MSI1: variants seen among roughly 807,000 people sequenced by gnomAD.
The protein encoded by MSI1 is musashi RNA binding protein 1, also known as RNA-binding protein Musashi homolog 1.
In MSI1, 15 loss-of-function variants were observed where a neutral mutation model predicts 54.4. The observed-to-expected ratio is 0.28, with a 90% CI of 0.18 to 0.42. The LOEUF is 0.42. Among genes scored for constraint, MSI1 ranks in the 20% least tolerant of loss-of-function variants. MSI1 has a pLI of 1.00. For synonymous variants in MSI1, 200 were observed against 196.5 expected, an observed-to-expected ratio of 1.02 and a Z score of -0.15; for missense variants, 304 against 506.0, an observed-to-expected ratio of 0.60 and a Z score of 3.83.
chr12:120,365,152 C>A (rs1875935839), intron 4 of MSI1, among the ~76,000 whole-genome samples: 1 of 152,102 alleles, frequency 6.6e-6, no homozygotes, highest in Non-Finnish European at 1.5e-5. Context: ...CTCAGGTGAG[C>A]CGCCCGCCTC....
chr12:120,360,431 AG>A (rs1163339731), intron 6 of MSI1, among the ~76,000 whole-genome samples: 1 of 152,200 alleles, frequency 6.6e-6, no homozygotes, highest in Non-Finnish European at 1.5e-5. Flanking sequence ...GGAGGCAACA[AG>A]GTCCCTGGAG....
In MSI1 at chr12:120,342,484, C is replaced by T. The variant is rs1873745541; in HGVS notation, c.*643G>A. 6.6e-6 allele frequency: 1 copy of T among 152,444 alleles called. No homozygotes were observed. Among genetic ancestry groups the T allele is most frequent in the African/African-American group, 2.4e-5 (1 of 41,402 alleles). 9.4% of individuals were successfully genotyped at this position (152,444 alleles called of 1,614,324 possible). A position where few individuals can be genotyped will look rare whatever the true frequency, so the allele number is the denominator to read the frequency against. ...GATGGTTCCAGGGGCTCGGCCTGGCCTCCCCGCAGCCCTGCCCTCCTCTCC... is the reference window on the plus strand; with the variant it reads ...GATGGTTCCAGGGGCTCGGCCTGGCTTCCCCGCAGCCCTGCCCTCCTCTCC... On this transcript the variant is annotated 3_prime_UTR_variant, in exon 15 of 15. Coordinates refer to ENST00000257552, the MANE Select transcript of MSI1 (RefSeq NM_002442.4).
chr12:120,351,382 G>A lies in MSI1; in HGVS notation c.752C>T (p.Thr251Ile), dbSNP rs374882017. ...GAGGACTGGGGCGCTCGGGAGAGGG[G>A]TCCGCTCTACACGGAATTCTAAAAT... The part of the protein sequence containing the change: ...YQFPEFRVER[T>I]PLPSAPVLPE... The change falls in exon 11 of 15, where the codon ACC becomes ATC. Residue 251 changes from threonine to isoleucine, a missense_variant. By Grantham distance (89) the Thr-to-Ile change is moderately conservative. Transcript: ENST00000257552. 5 of 1,611,236 alleles carry A rather than the reference G, an allele frequency of 3.1e-6. No homozygotes were observed. Among genetic ancestry groups the A allele is most frequent in the South Asian group, 2.2e-5 (2 of 90,916 alleles).
At chr12:120,358,311 C>T (rs1262853449) in intron 7 of MSI1, among the ~76,000 whole-genome samples, 2 of 152,382 alleles carry the variant, frequency 1.3e-5, no homozygotes, top group Middle Eastern at 3.4e-3. Flanking sequence ...CGCATGCATA[C>T]ATCTAGATAC....
At position 120,351,402 on chromosome 12, in the gene MSI1, T is replaced by C; in HGVS notation, c.734-2A>G. 6.2e-7 allele frequency: 1 copy of C among 1,613,546 alleles called. No homozygotes were observed. The highest frequency in any genetic ancestry group is 8.5e-7 in the Non-Finnish European group (1 of 1,179,864). On this transcript the variant is annotated splice_acceptor_variant, in intron 10 of 14. Transcript: ENST00000257552. LOFTEE classifies it high-confidence loss of function. ...GAGGGGTCCGCTCTACACGGAATTC[T>C]AAAATGAAACGTAAAACAGCTTAGG...
intron 9 of MSI1, 126 bp downstream of exon 9, chr12:120,356,776 A>G (rs1400913515): frequency 2.3e-6 from 2 of 854,584 alleles, no homozygotes; most frequent in Non-Finnish European, 1.9e-6. Flanking sequence ...CCTTGTCCCC[A>G]CTCCTGCTCA....
At chr12:120,352,233 A>G (rs1874675744) in intron 10 of MSI1, among the ~76,000 whole-genome samples, 1 of 151,690 alleles carries the variant, frequency 6.6e-6, no homozygotes. Flanking sequence ...TCTCAAACTC[A>G]TGGGCTCAAG....
Position 120,368,786 on chromosome 12 carries a change from GT to G in MSI1, c.100+46del. On this transcript the variant is annotated intron_variant, in intron 2 of 14. Transcript: ENST00000257552. This position sits in a 1 kb window ranked among gnomAD's most constrained non-coding sequence, Gnocchi z 6.6. ...GTGTCCGGGTCCGGGGCGCCGGGGG[GT>G]CCGGGGTGCCCTGCCGGACCGGCGG... is the stretch of plus-strand genomic sequence containing the variant. 7.2e-7 allele frequency: 1 copy of G among 1,387,658 alleles called. No individual in the cohort carries two copies. The allele number at this position is 1,387,658 out of a possible 1,614,324, so 86.0% of individuals were successfully genotyped here. A position where few individuals can be genotyped will look rare whatever the true frequency, so the allele number is the denominator to read the frequency against.
rs1204029652 is a variant in MSI1, at chr12:120,345,618, G to A, written c.1062C>T (p.Ala354=). 2.5e-6 allele frequency: 4 copies of A among 1,613,860 alleles called. No homozygotes were observed. In the East Asian group the frequency reaches 6.7e-5, roughly 27 times the overall value. ...FGHSLGGPLI[A]TAFTNGYH is the part of the protein sequence containing the mutation. ...AGTGGTACCCATTGGTGAAGGCTGT[G>A]GCAATCAAAGGGCCCTGAAAAGGAA... Residue 354 remains alanine (A), a synonymous_variant, in exon 14 of 15, where the codon GCC becomes GCT. Coordinates refer to ENST00000257552, the MANE Select transcript of MSI1 (RefSeq NM_002442.4).
intron 14 of MSI1, among the ~76,000 whole-genome samples, chr12:120,344,909 G>A (rs1038600119): frequency 6.0e-5 from 9 of 151,196 alleles, no homozygotes; most frequent in African/African-American, 2.2e-4. Context: ...CCAGCTACTC[G>A]GGAGGCTGAG....
chr12:120,363,208 C>A (rs1875793567), intron 5 of MSI1, 73 bp from the exon 6 acceptor site: 1 of 1,333,458 alleles, frequency 7.5e-7, no homozygotes, highest in African/African-American at 1.4e-5. Context: ...GGCTCGAGCC[C>A]CCCTGCCAGG....
In MSI1 at chr12:120,353,306, C is replaced by T; in HGVS notation, c.726G>A (p.Gln242=). 6.2e-7 allele frequency: 1 copy of T among 1,614,050 alleles called. No individual in the cohort carries two copies. Among genetic ancestry groups the T allele is most frequent in the Non-Finnish European group, 8.5e-7 (1 of 1,179,972 alleles). ...YTGLAPGYTY[Q]FPEFRVERTP... ...ATACTGAGCAGGACTTACCGGGGAA[C>T]TGGTAGGTGTAGCCAGGGGCGAGGC... Residue 242 remains glutamine (Q), a synonymous_variant, in exon 10 of 15, where the codon CAG becomes CAA. Coordinates refer to ENST00000257552, the MANE Select transcript of MSI1 (RefSeq NM_002442.4).
intron 6 of MSI1, among the ~76,000 whole-genome samples, chr12:120,359,720 G>A (rs1270056093): frequency 2.0e-5 from 3 of 151,878 alleles, no homozygotes; most frequent in Non-Finnish European, 4.4e-5. Context: ...TTGGATATAC[G>A]GTCACCAAAG....
intron 11 of MSI1, among the ~76,000 whole-genome samples, chr12:120,350,412 A>G (rs996395759): frequency 2.0e-5 from 3 of 152,146 alleles, no homozygotes; most frequent in African/African-American, 7.2e-5. Context: ...CTTTTCAGGG[A>G]AGAGCCTCTG....
At chr12:120,344,484 C>G (rs1473583035) in intron 14 of MSI1, among the ~76,000 whole-genome samples, 1 of 151,806 alleles carries the variant, frequency 6.6e-6, no homozygotes, top group South Asian at 2.1e-4. Flanking sequence ...AGAGGAAGAT[C>G]GTTTGAGCCA....
intron 12 of MSI1, among the ~76,000 whole-genome samples, 164 bp from the exon 13 acceptor site, chr12:120,346,486 CT>C (rs976440902): frequency 4.6e-5 from 7 of 152,112 alleles, no homozygotes; most frequent in African/African-American, 1.7e-4. Flanking sequence ...CCAGTCACCC[CT>C]AGCCCTGACC....
Position 120,359,155 on chromosome 12 carries a change from A to G in MSI1, c.403-102T>C, listed in dbSNP as rs1875415334. 13 of 1,406,012 alleles carry G rather than the reference A, an allele frequency of 9.2e-6. No homozygotes were observed. The Admixed American group carries it at 2.6e-4, about 28-fold the overall frequency. The allele number at this position is 1,406,012 out of a possible 1,614,324, so 87.1% of individuals were successfully genotyped here. A position where few individuals can be genotyped will look rare whatever the true frequency, so the allele number is the denominator to read the frequency against. ...AACCCACTGCCCTCTTGCCCACTCCAGGCTTGACCTTCAACCTGCTCCCTG... is the reference window on the plus strand; with the variant it reads ...AACCCACTGCCCTCTTGCCCACTCCGGGCTTGACCTTCAACCTGCTCCCTG... On this transcript the variant is annotated intron_variant, in intron 6 of 14. Coordinates refer to ENST00000257552, the MANE Select transcript of MSI1 (RefSeq NM_002442.4).
In MSI1 at chr12:120,357,203, G is replaced by A. The variant is rs75437054; in HGVS notation, c.535-184C>T. Among the ~76,000 whole-genome samples, 813 of 152,318 alleles carry A rather than the reference G, an allele frequency of 5.3e-3. 7 individuals are homozygous for A. The highest frequency in any genetic ancestry group is 0.013 in the South Asian group (65 of 4,832). On this transcript the variant is annotated intron_variant, in intron 8 of 14. Coordinates refer to ENST00000257552, the MANE Select transcript of MSI1 (RefSeq NM_002442.4). ...TGTGTAAACGGCTTTGCATGCAATC[G>A]TTCAATGAATGCTTACACCAATACT...
At chr12:120,364,802 T>C in intron 4 of MSI1, 47 bp from the exon 5 acceptor site, 1 of 1,555,714 alleles carries the variant, frequency 6.4e-7, no homozygotes, top group South Asian at 1.2e-5. Flanking sequence ...ATCGCATTTT[T>C]AGAAGAGCGA....
Sources: gnomAD v4.1 joint callset for allele counts (sites outside exome capture counted in the v4.1 genomes callset) on GRCh38, gnomAD v4.1.1 for gene constraint, Gnocchi (gnomAD v3.1) non-coding constraint, MANE v1.5 for transcripts, NCBI Gene and HGNC (gene_info 2026-07-23, HGNC 2026-07-21) for gene names.